The following COL5A2 variants were observed in gnomAD, a reference collection of about 807,000 sequenced individuals.
The protein encoded by COL5A2 is collagen type V alpha 2 chain, also known as collagen alpha-2(V) chain.
A neutral mutation model predicts 208.2 loss-of-function variants in COL5A2; 23 were observed. That is an observed-to-expected ratio of 0.11 (90% confidence interval 0.08 to 0.16). The LOEUF (loss-of-function observed/expected upper bound fraction) is 0.16, where lower values mean the gene tolerates loss of function less well. Among genes scored for constraint, COL5A2 ranks in the 10% least tolerant of loss-of-function variants. The pLI, the probability that COL5A2 is intolerant of heterozygous loss-of-function variation, is 1.00. For synonymous variants in COL5A2, 625 were observed against 628.5 expected (o/e 0.99, Z 0.08); for missense variants, 1,590 against 1,956.4 (o/e 0.81, Z 3.53).
Position 189,179,541 on chromosome 2 carries a change from C to T in COL5A2, c.64G>A (p.Val22Ile), listed in dbSNP as rs746289356. ...LILIVLLGQF[V>I]SIKAQEEDED... ...TCTTCTTCCTGGGCTTTTATTGAGACAAATTGCCCTAATAAAACAATAAGA... is the reference window on the plus strand; with the variant it reads ...TCTTCTTCCTGGGCTTTTATTGAGATAAATTGCCCTAATAAAACAATAAGA... The change falls in exon 1 of 54, where the codon GTC becomes ATC. Residue 22 changes from valine to isoleucine, a missense_variant. Val to Ile is a conservative substitution (Grantham distance 29). Coordinates refer to ENST00000374866, the MANE Select transcript of COL5A2 (RefSeq NM_000393.5). 2.5e-6 allele frequency: 4 copies of T among 1,611,778 alleles called. No individual in the cohort carries two copies. In the Admixed American group the frequency reaches 6.7e-5, roughly 27 times the overall value.
In COL5A2 at chr2:189,108,123, T is replaced by C. The variant is rs192847287; in HGVS notation, c.322+2102A>G. ...TCCCCCTTTCATTATATATGTTTTATAATTATTTCTGCATTGTCAGAAGCT... is the reference window on the plus strand; with the variant it reads ...TCCCCCTTTCATTATATATGTTTTACAATTATTTCTGCATTGTCAGAAGCT... On this transcript the variant is annotated intron_variant, in intron 2 of 53. Transcript: ENST00000374866. Among the ~76,000 whole-genome samples, 886 of 151,864 alleles carry C rather than the reference T, an allele frequency of 5.8e-3. 4 individuals carry two copies. Among genetic ancestry groups the C allele is most frequent in the Non-Finnish European group, 0.01 (683 of 67,672 alleles).
the COL5A2 span, among the ~76,000 whole-genome samples, chr2:189,419,977 G>A: frequency 6.9e-6 from 1 of 144,808 alleles, no homozygotes; most frequent in Non-Finnish European, 1.5e-5. Flanking sequence ...GAGAGGAGAG[G>A]AGGAAGAGGA....
At chr2:189,402,838 C>T in the COL5A2 span, among the ~76,000 whole-genome samples, 10 of 151,378 alleles carry the variant, frequency 6.6e-5, no homozygotes, top group East Asian at 1.7e-3. Context: ...TGAATTCTGG[C>T]AGCATGATGC....
chr2:189,440,819 T>C, the COL5A2 span, among the ~76,000 whole-genome samples: 5 of 152,182 alleles, frequency 3.3e-5, no homozygotes, highest in Non-Finnish European at 7.3e-5. Context: ...CTGGCGGGAC[T>C]GGCCGAATGT....
the COL5A2 span, among the ~76,000 whole-genome samples, chr2:189,392,349 T>C: frequency 5.8e-4 from 88 of 152,304 alleles, 1 homozygote; most frequent in South Asian, 0.018. Context: ...CATACTGACT[T>C]TGACCTTATC....
the COL5A2 span, among the ~76,000 whole-genome samples, chr2:189,296,070 C>T: frequency 2.0e-5 from 3 of 152,084 alleles, no homozygotes; most frequent in Non-Finnish European, 4.4e-5. Context: ...CTCTTCTCTT[C>T]TGAGCCTCTA....
At chr2:189,259,012 G>A in the COL5A2 span, among the ~76,000 whole-genome samples, 30 of 152,224 alleles carry the variant, frequency 2.0e-4, no homozygotes, top group Admixed American at 6.5e-4. Flanking sequence ...TGATATTCTC[G>A]TCTATATTCT....
At chr2:189,054,075 G>T in intron 36 of COL5A2, 84 bp downstream of exon 36, 1 of 1,417,350 alleles carries the variant, frequency 7.1e-7, no homozygotes, top group Non-Finnish European at 1.0e-6. Flanking sequence ...GATACCATAT[G>T]TTATAAAATG....
intron 17 of COL5A2, among the ~76,000 whole-genome samples, chr2:189,072,984 C>A (rs112981662): frequency 6.6e-6 from 1 of 152,074 alleles, no homozygotes; most frequent in Non-Finnish European, 1.5e-5. Flanking sequence ...CATCAGTTTT[C>A]AATTAATAGA....
At chr2:189,173,052 C>A (rs913323025) in intron 1 of COL5A2, among the ~76,000 whole-genome samples, 1 of 147,766 alleles carries the variant, frequency 6.8e-6, no homozygotes, top group Non-Finnish European at 1.5e-5. Flanking sequence ...CTCACTGCAG[C>A]CTCCCCCTCC....
At chr2:189,035,279 CT>C (rs1203424145) in intron 52 of COL5A2, 124 bp from the exon 53 acceptor site, 1 of 1,292,332 alleles carries the variant, frequency 7.7e-7, no homozygotes. Context: ...TACTTTAATT[CT>C]TGTCATAAAG....
intron 45 of COL5A2, among the ~76,000 whole-genome samples, chr2:189,046,502 A>T (rs1016764593): frequency 2.0e-5 from 3 of 152,198 alleles, no homozygotes; most frequent in African/African-American, 7.2e-5. Context: ...CAGAATGCAT[A>T]GTTTACTTGA....
chr2:189,331,649 T>C, the COL5A2 span, among the ~76,000 whole-genome samples: 2 of 152,128 alleles, frequency 1.3e-5, no homozygotes, highest in Non-Finnish European at 2.9e-5. Context: ...TCCCCAGCCA[T>C]GTGGAACTAT....
At chr2:189,207,595 A>G (rs1004007113) in intron 1 of COL5A2, among the ~76,000 whole-genome samples, 2 of 152,218 alleles carry the variant, frequency 1.3e-5, no homozygotes, top group African/African-American at 4.8e-5. Flanking sequence ...AAGATAGTAA[A>G]TAAATACAAT....
At chr2:189,285,071 G>GGTGTGT in the COL5A2 span, among the ~76,000 whole-genome samples, 8,196 of 139,670 alleles carry the variant, frequency 0.059, 340 homozygotes, top group African/African-American at 0.1. Flanking sequence ...GCATGCACAT[G>GGTGTGT]GTGTGTGTGT....
upstream of COL5A2, among the ~76,000 whole-genome samples, chr2:189,227,637 TA>T (rs1323018776): frequency 1.3e-5 from 2 of 152,040 alleles, no homozygotes; most frequent in African/African-American, 4.8e-5. Flanking sequence ...TACATAATGA[TA>T]AAAGGTTCAA....
the COL5A2 span, among the ~76,000 whole-genome samples, chr2:189,398,978 T>C: frequency 2.2e-4 from 34 of 152,322 alleles, no homozygotes; most frequent in African/African-American, 8.2e-4. Flanking sequence ...ATAGAATAAT[T>C]GAATTCCATA....
chr2:189,214,956 C>A (rs191214047), intron 1 of COL5A2, among the ~76,000 whole-genome samples: 3 of 152,222 alleles, frequency 2.0e-5, no homozygotes, highest in Admixed American at 1.3e-4. Flanking sequence ...TTATTATAAT[C>A]CTCAGGAACT....
At chr2:189,066,981 T>A (rs1312600615) in intron 21 of COL5A2, among the ~76,000 whole-genome samples, 199 bp from the exon 22 acceptor site, 1 of 152,214 alleles carries the variant, frequency 6.6e-6, no homozygotes, top group Non-Finnish European at 1.5e-5. Context: ...CAGTATAATT[T>A]GGAAGCCATT....
Sources: gnomAD v4.1 joint callset for allele counts (sites outside exome capture counted in the v4.1 genomes callset) on GRCh38, gnomAD v4.1.1 for gene constraint, MANE v1.5 for transcripts, NCBI Gene and HGNC (gene_info 2026-07-23, HGNC 2026-07-21) for gene names.